The following MSI2 variants were observed in gnomAD, a reference collection of about 807,000 sequenced individuals.
MSI2 encodes the protein musashi RNA binding protein 2, also known as RNA-binding protein Musashi homolog 2.
MSI2 carries 17 observed loss-of-function variants against 45.6 expected under a neutral mutation model. The observed-to-expected ratio is 0.37, with a 90% CI of 0.26 to 0.56. The LOEUF (loss-of-function observed/expected upper bound fraction) is 0.56. Among genes scored for constraint, MSI2 ranks in the 20% least tolerant of loss-of-function variants. The pLI is 0.77. For synonymous variants in MSI2, 156 were observed against 158.2 expected (o/e 0.99, Z 0.11); for missense variants, 293 against 444.2 (o/e 0.66, Z 3.06).
intron 6 of MSI2, chr17:57,523,745 T>C (rs886850647): frequency 3.3e-5 from 5 of 152,248 alleles, no homozygotes; most frequent in African/African-American, 1.2e-4. Context: ...CCATGTGGAA[T>C]GTGGAACCTG....
chr17:57,592,156 A>G (rs35543879), intron 7 of MSI2, among the ~76,000 whole-genome samples: 4,684 of 150,736 alleles, frequency 0.031, 159 homozygotes, highest in East Asian at 0.17. Flanking sequence ...TGGGTGACAG[A>G]GCGAGACTCT....
At chr17:57,308,555 GA>G (rs2143587980) in intron 5 of MSI2, among the ~76,000 whole-genome samples, 1 of 152,330 alleles carries the variant, frequency 6.6e-6, no homozygotes, top group Admixed American at 6.5e-5. Context: ...TTTGGCATAT[GA>G]TGTTTGACCC....
chr17:57,550,033 G>C (rs376870536), intron 7 of MSI2, among the ~76,000 whole-genome samples: 1 of 152,174 alleles, frequency 6.6e-6, no homozygotes, highest in Non-Finnish European at 1.5e-5. Flanking sequence ...TCCTGAGCTG[G>C]GGGAAGCCAC....
chr17:57,598,073 A>T (rs1251650553), intron 8 of MSI2, among the ~76,000 whole-genome samples: 1 of 152,216 alleles, frequency 6.6e-6, no homozygotes, highest in African/African-American at 2.4e-5. Flanking sequence ...ATTGAGTAGG[A>T]GGGTGAGAAT....
chr17:57,331,208 C>T (rs1462428819), intron 5 of MSI2, among the ~76,000 whole-genome samples: 1 of 152,228 alleles, frequency 6.6e-6, no homozygotes, highest in African/African-American at 2.4e-5. Context: ...GCCACTGCGC[C>T]TGGCCATGTT....
At chr17:57,523,657 A>G (rs889102230) in intron 6 of MSI2, 1 of 152,114 alleles carries the variant, frequency 6.6e-6, no homozygotes, top group African/African-American at 2.4e-5. Flanking sequence ...AACCTTGCTG[A>G]TGGGGTGAGA....
Position 57,584,024 on chromosome 17 carries a change from C to T in MSI2, c.455-12844C>T, listed in dbSNP as rs73994426. On this transcript the variant is annotated intron_variant, in intron 7 of 13. Coordinates refer to ENST00000284073, the MANE Select transcript of MSI2 (RefSeq NM_138962.4). The stretch of plus-strand genomic sequence containing the variant: ...AGGTTCAGTGGGTCCAGGGTGGGGC[C>T]TGAGACTGCATTTCCAACCAGCTCC... Among the ~76,000 whole-genome samples, 321 of 152,288 alleles carry T rather than the reference C, an allele frequency of 2.1e-3. 1 individual carries two copies. Among genetic ancestry groups the T allele is most frequent in the African/African-American group, 7.4e-3 (307 of 41,556 alleles).
the MSI2 span, among the ~76,000 whole-genome samples, chr17:57,694,866 C>T: frequency 1.3e-5 from 2 of 152,196 alleles, no homozygotes; most frequent in African/African-American, 4.8e-5. Flanking sequence ...ATGTGTACAT[C>T]CTCAGGTTCA....
At chr17:57,356,803 G>A (rs1916455105) in intron 5 of MSI2, among the ~76,000 whole-genome samples, 1 of 152,124 alleles carries the variant, frequency 6.6e-6, no homozygotes, top group Non-Finnish European at 1.5e-5. Context: ...ACAGGTGTAT[G>A]AAAATGTTAA....
intron 5 of MSI2, among the ~76,000 whole-genome samples, chr17:57,358,290 G>C (rs1333703632): frequency 6.6e-6 from 1 of 152,014 alleles, no homozygotes; most frequent in Non-Finnish European, 1.5e-5. Context: ...TTTCTCCTGG[G>C]TGGTTGCATT....
In MSI2 at chr17:57,309,484, A is replaced by G. The variant is rs550474818; in HGVS notation, c.312+47292A>G. 2.1e-3 allele frequency among the ~76,000 whole-genome samples: 320 copies of G among 152,326 alleles called. 1 individual carries two copies. Among genetic ancestry groups the G allele is most frequent in the Non-Finnish European group, 2.6e-3 (178 of 68,028 alleles). ...TGGCCACTTGTTATATATCCCTACC[A>G]TGGGGAAACGTGTGTAATAAAACAT... On this transcript the variant is annotated intron_variant, in intron 5 of 13. Coordinates refer to ENST00000284073, the MANE Select transcript of MSI2 (RefSeq NM_138962.4).
chr17:57,416,657 T>C (rs750649714), intron 6 of MSI2, among the ~76,000 whole-genome samples: 1 of 151,942 alleles, frequency 6.6e-6, no homozygotes, highest in Non-Finnish European at 1.5e-5. Context: ...TTTTTGGGGG[T>C]GCTTATGCTG....
chr17:57,689,361 A>G (rs1480382459), downstream of MSI2, among the ~76,000 whole-genome samples: 1 of 152,204 alleles, frequency 6.6e-6, no homozygotes, highest in African/African-American at 2.4e-5. Context: ...TGATTCTGAT[A>G]GGAGCAAAAG....
chr17:57,603,729 G>A (rs965496785), intron 8 of MSI2, among the ~76,000 whole-genome samples: 3 of 152,204 alleles, frequency 2.0e-5, no homozygotes, highest in Admixed American at 6.5e-5. Flanking sequence ...ATGAAGGGGC[G>A]TGGCTGTGTT....
chr17:57,420,513 G>A lies in MSI2; in HGVS notation c.405+19042G>A, dbSNP rs1358714756. On this transcript the variant is annotated intron_variant, in intron 6 of 13. Transcript: ENST00000284073. Reference sequence around the variant, plus strand: ...ATTTAGGATCTCTTGAAGAGTCTCCGAGACCGTTACCAAGAGCAACCTGCC... The same window carrying A: ...ATTTAGGATCTCTTGAAGAGTCTCCAAGACCGTTACCAAGAGCAACCTGCC... Among the ~76,000 whole-genome samples, 5 of 152,162 alleles carry A rather than the reference G, an allele frequency of 3.3e-5. No homozygotes were observed. In the East Asian group the frequency reaches 5.8e-4, roughly 18 times the overall value.
At chr17:57,345,483 T>C (rs2143811536) in intron 5 of MSI2, among the ~76,000 whole-genome samples, 1 of 152,308 alleles carries the variant, frequency 6.6e-6, no homozygotes, top group Non-Finnish European at 1.5e-5. Flanking sequence ...CCCCTTCTTA[T>C]ATAAGAGGTA....
At chr17:57,651,445 C>T (rs910755946) in intron 10 of MSI2, among the ~76,000 whole-genome samples, 1 of 152,056 alleles carries the variant, frequency 6.6e-6, no homozygotes. Flanking sequence ...CCCTGCAGCC[C>T]CGCACTCCCT....
At chr17:57,539,111 G>C (rs2086985613) in intron 7 of MSI2, among the ~76,000 whole-genome samples, 1 of 151,962 alleles carries the variant, frequency 6.6e-6, no homozygotes, top group South Asian at 2.1e-4. Flanking sequence ...CTTTTTTATG[G>C]GGAAGAGAAT....
chr17:57,691,149 T>C, the MSI2 span, among the ~76,000 whole-genome samples: 1 of 151,952 alleles, frequency 6.6e-6, no homozygotes, highest in Non-Finnish European at 1.5e-5. Context: ...CTCTATTCTG[T>C]TCTGTACCAC....
Sources: allele counts gnomAD v4.1 joint callset (sites outside exome capture counted in the v4.1 genomes callset), GRCh38; gene constraint gnomAD v4.1.1; transcripts MANE v1.5; gene names NCBI Gene and HGNC (gene_info 2026-07-23, HGNC 2026-07-21).